The following ZNF804B variants were observed in gnomAD, a reference collection of about 807,000 sequenced individuals.
ZNF804B encodes zinc finger 804B.
In ZNF804B, 80 loss-of-function variants were observed where a neutral mutation model predicts 101.4. The observed-to-expected ratio is 0.79, with a 90% CI of 0.66 to 0.95. The LOEUF (loss-of-function observed/expected upper bound fraction) is 0.95, where lower values mean the gene tolerates loss of function less well. ZNF804B is among the 40% of genes least tolerant of loss of function. The probability of loss-of-function intolerance (pLI) is 0.00; values close to 1 mark genes in which losing one functional copy is unlikely to be tolerated. For synonymous variants in ZNF804B, 622 were observed against 558.8 expected (o/e 1.11, Z -1.59); for missense variants, 1,673 against 1,561.9 (o/e 1.07, Z -1.20).
At chr7:89,123,801 A>C (rs1010783571) in intron 1 of ZNF804B, among the ~76,000 whole-genome samples, 29 of 152,168 alleles carry the variant, frequency 1.9e-4, no homozygotes, top group Admixed American at 1.8e-3. Flanking sequence ...ACAAGTAGTA[A>C]TTGGTTTAGT....
intron 2 of ZNF804B, among the ~76,000 whole-genome samples, chr7:89,271,764 T>G (rs1789900432): frequency 6.6e-6 from 1 of 152,156 alleles, no homozygotes; most frequent in African/African-American, 2.4e-5. Context: ...ACTGGTCTAT[T>G]CAGGGATTCA....
At chr7:89,325,178 A>C (rs974077579) in intron 2 of ZNF804B, among the ~76,000 whole-genome samples, 2 of 151,982 alleles carry the variant, frequency 1.3e-5, no homozygotes, top group African/African-American at 4.8e-5. Context: ...GAAAACTTGC[A>C]GCAGATCTCT....
chr7:88,991,402 T>C (rs1210199512), intron 1 of ZNF804B, among the ~76,000 whole-genome samples: 1 of 152,014 alleles, frequency 6.6e-6, no homozygotes, highest in Non-Finnish European at 1.5e-5. Context: ...CTCCGGGAGG[T>C]TCCTATAGTG....
At chr7:88,975,931 C>T (rs1027876013) in intron 1 of ZNF804B, among the ~76,000 whole-genome samples, 2 of 151,450 alleles carry the variant, frequency 1.3e-5, no homozygotes. Flanking sequence ...GGTTTTTAAC[C>T]CATTTTGATT....
At chr7:89,293,581 G>A (rs1414639349) in intron 2 of ZNF804B, among the ~76,000 whole-genome samples, 1 of 151,900 alleles carries the variant, frequency 6.6e-6, no homozygotes, top group Non-Finnish European at 1.5e-5. Context: ...TCAGGAGATC[G>A]AGACCATCCT....
At chr7:88,771,837 T>C (rs1790070232) in intron 1 of ZNF804B, among the ~76,000 whole-genome samples, 1 of 152,164 alleles carries the variant, frequency 6.6e-6, no homozygotes, top group Non-Finnish European at 1.5e-5. Flanking sequence ...TCTGTTGAGT[T>C]TTCATTACTT....
intron 2 of ZNF804B, among the ~76,000 whole-genome samples, chr7:89,220,168 T>C (rs1310331143): frequency 4.9e-5 from 5 of 103,040 alleles, no homozygotes; most frequent in Admixed American, 1.9e-4. Context: ...TATACGCACA[T>C]ATATATGTGT....
At chr7:88,897,085 C>T (rs929820642) in intron 1 of ZNF804B, among the ~76,000 whole-genome samples, 1 of 152,102 alleles carries the variant, frequency 6.6e-6, no homozygotes, top group Admixed American at 6.6e-5. Context: ...ACATAAACTG[C>T]GATAGACTGA....
chr7:88,961,075 A>G (rs188149358), intron 1 of ZNF804B, among the ~76,000 whole-genome samples: 64 of 151,584 alleles, frequency 4.2e-4, no homozygotes, highest in Non-Finnish European at 7.5e-4. Flanking sequence ...AATGTGAATC[A>G]AAACCTCTGA....
intron 1 of ZNF804B, among the ~76,000 whole-genome samples, chr7:88,952,371 A>T (rs1793237112): frequency 6.6e-6 from 1 of 151,868 alleles, no homozygotes; most frequent in Non-Finnish European, 1.5e-5. Flanking sequence ...AAATAAAAGC[A>T]ATTTATTAAT....
intron 1 of ZNF804B, among the ~76,000 whole-genome samples, chr7:88,944,185 A>G (rs1249341529): frequency 6.6e-6 from 1 of 151,786 alleles, no homozygotes; most frequent in Non-Finnish European, 1.5e-5. Flanking sequence ...AGTGTTTTCC[A>G]AAGTGGCTAT....
At chr7:88,847,956 A>G (rs1157891572) in intron 1 of ZNF804B, among the ~76,000 whole-genome samples, 7 of 152,208 alleles carry the variant, frequency 4.6e-5, no homozygotes, top group Non-Finnish European at 1.0e-4. Flanking sequence ...TGATTCACAG[A>G]CATGAATCAG....
intron 2 of ZNF804B, among the ~76,000 whole-genome samples, chr7:89,317,307 G>A (rs993543033): frequency 6.6e-6 from 1 of 152,190 alleles, no homozygotes; most frequent in African/African-American, 2.4e-5. Flanking sequence ...CTAAGTGAAG[G>A]GGTGGAAAAC....
At chr7:89,038,410 A>T (rs1788961380) in intron 1 of ZNF804B, among the ~76,000 whole-genome samples, 1 of 152,176 alleles carries the variant, frequency 6.6e-6, no homozygotes, top group African/African-American at 2.4e-5. Context: ...TTCTCTAATG[A>T]TTAGTAATGT....
chr7:89,311,640 A>G (rs1255249836), intron 2 of ZNF804B, among the ~76,000 whole-genome samples: 1 of 152,180 alleles, frequency 6.6e-6, no homozygotes, highest in East Asian at 1.9e-4. Context: ...ATATTATTGC[A>G]CTATCACATG....
At position 89,333,994 on chromosome 7, in the gene ZNF804B, C is replaced by T. The variant is rs202238926; in HGVS notation, c.1012C>T (p.Pro338Ser). 1.2e-5 allele frequency: 20 copies of T among 1,613,260 alleles called. No homozygotes were observed. The highest frequency in any genetic ancestry group is 1.6e-5 in the Non-Finnish European group (19 of 1,179,694). ...NIHLSDVDFTPTSREKETRNT... is the reference protein window; with the variant it reads ...NIHLSDVDFTSTSREKETRNT... ...TCATCTTTCAGATGTAGATTTTACTCCTACCAGCAGAGAAAAAGAAACTAG... is the reference window on the plus strand; with the variant it reads ...TCATCTTTCAGATGTAGATTTTACTTCTACCAGCAGAGAAAAAGAAACTAG... Residue 338 changes from proline to serine, a missense_variant, in exon 4 of 4, where the codon CCT becomes TCT. Pro to Ser is a moderately conservative substitution (Grantham distance 74). Coordinates refer to ENST00000333190, the MANE Select transcript of ZNF804B (RefSeq NM_181646.5).
intron 2 of ZNF804B, among the ~76,000 whole-genome samples, chr7:89,319,828 A>G (rs1474252277): frequency 6.6e-6 from 1 of 152,188 alleles, no homozygotes; most frequent in Non-Finnish European, 1.5e-5. Flanking sequence ...GACCAAATGC[A>G]GCTCAACTAG....
At chr7:88,805,577 T>G (rs1021720206) in intron 1 of ZNF804B, among the ~76,000 whole-genome samples, 5 of 152,180 alleles carry the variant, frequency 3.3e-5, no homozygotes. Flanking sequence ...GTATCACTGT[T>G]TTAATATATG....
chr7:89,332,068 A>AT (rs1790993463), intron 3 of ZNF804B, among the ~76,000 whole-genome samples: 2 of 151,340 alleles, frequency 1.3e-5, no homozygotes, highest in South Asian at 4.1e-4. Flanking sequence ...ATATATTTAT[A>AT]TTTTTACACT....
Sources: allele counts gnomAD v4.1 joint callset (sites outside exome capture counted in the v4.1 genomes callset), GRCh38; gene constraint gnomAD v4.1.1; transcripts MANE v1.5; gene names NCBI Gene and HGNC (gene_info 2026-07-23, HGNC 2026-07-21).